Variants in ANKRD45 observed in about 807,000 individuals in gnomAD.
The protein encoded by ANKRD45 is ankyrin repeat domain-containing protein 45.
In ANKRD45, 21 loss-of-function variants were observed where a neutral mutation model predicts 28.1. The ratio of observed to expected loss-of-function variants is 0.75; its 90% CI spans 0.53 to 1.08. ANKRD45 has a LOEUF of 1.08. Ranked by LOEUF, ANKRD45 falls within the 50% of genes least tolerant of loss-of-function variation. The pLI, the probability that ANKRD45 is intolerant of heterozygous loss-of-function variation, is 0.00. For missense variants in ANKRD45, 261 were observed against 308.7 expected (o/e 0.85, Z 1.16); for synonymous variants, 86 against 103.9 (o/e 0.83, Z 1.05).
In ANKRD45 at chr1:173,608,938, G is replaced by GGGAAGGGAGA. The variant is rs1232710764; in HGVS notation, c.*1197_*1206dup. Among the ~76,000 whole-genome samples, 1 of 111,614 alleles carries GGGAAGGGAGA rather than the reference G, an allele frequency of 9.0e-6. No homozygotes were observed. The highest frequency in any genetic ancestry group is 3.4e-5 in the African/African-American group (1 of 29,654). The allele number at this position is 111,614 out of a possible 152,430, so 73.2% of individuals were successfully genotyped here. A position where few individuals can be genotyped will look rare whatever the true frequency, so the allele number is the denominator to read the frequency against. ...GGGAGGGGAAGGGAGGGGAAGGGAGGGGAAGGGAGAGGAAGGGAGAGGAAG... is the reference window on the plus strand; with the variant it reads ...GGGAGGGGAAGGGAGGGGAAGGGAGGGGAAGGGAGAGGAAGGGAGAGGAAGGGAGAGGAAG... On this transcript the variant is annotated 3_prime_UTR_variant, in exon 6 of 6. Coordinates refer to ENST00000333279, the MANE Select transcript of ANKRD45 (RefSeq NM_198493.3).
At chr1:173,637,101 G>T (rs901177848) in intron 3 of ANKRD45, 3 of 1,162,646 alleles carry the variant, frequency 2.6e-6, no homozygotes, top group South Asian at 1.5e-5. Flanking sequence ...TATCATCTAA[G>T]GATTAAAAAT....
intron 1 of ANKRD45, among the ~76,000 whole-genome samples, chr1:173,661,887 A>G (rs777703761): frequency 6.6e-6 from 1 of 152,224 alleles, no homozygotes; most frequent in Admixed American, 6.5e-5. Context: ...GGAAATAAAC[A>G]TGGTGAAACA....
intron 1 of ANKRD45, among the ~76,000 whole-genome samples, chr1:173,669,266 A>G (rs896696965): frequency 1.3e-5 from 2 of 152,196 alleles, no homozygotes; most frequent in African/African-American, 4.8e-5. Context: ...GGAGTCTTAA[A>G]AGGAGGAAAA....
At chr1:173,616,599 A>G (rs1314735820) in intron 5 of ANKRD45, among the ~76,000 whole-genome samples, 1 of 152,192 alleles carries the variant, frequency 6.6e-6, no homozygotes. Flanking sequence ...ATTTTAAAAA[A>G]ATGTTAGGGG....
chr1:173,669,206 G>A (rs111594505), intron 1 of ANKRD45, among the ~76,000 whole-genome samples: 5 of 152,108 alleles, frequency 3.3e-5, no homozygotes, highest in African/African-American at 1.2e-4. Context: ...TCTGGGTGGC[G>A]GTCTCAGAAA....
intron 2 of ANKRD45, among the ~76,000 whole-genome samples, chr1:173,655,912 G>T (rs911353322): frequency 9.9e-5 from 15 of 152,228 alleles, no homozygotes; most frequent in African/African-American, 1.7e-4. Context: ...CGCCAAGCCA[G>T]GCACGGGATA....
chr1:173,609,742 CA>C lies in ANKRD45; in HGVS notation c.*402del, dbSNP rs1252245897. On this transcript the variant is annotated 3_prime_UTR_variant, in exon 6 of 6. Coordinates refer to ENST00000333279, the MANE Select transcript of ANKRD45 (RefSeq NM_198493.3). ...AGCTGGTCTTAATATTTCCTTGCTC[CA>C]AGTGTCATTCCATAAGATTTCCTTT... 1.5e-4 allele frequency: 25 copies of C among 163,748 alleles called. No individual in the cohort carries two copies. The highest frequency in any genetic ancestry group is 1.5e-3 in the Admixed American group (25 of 16,432). 10.1% of individuals were successfully genotyped at this position (163,748 alleles called of 1,614,324 possible).
chr1:173,710,109 G>A, the ANKRD45 span, among the ~76,000 whole-genome samples: 1 of 152,288 alleles, frequency 6.6e-6, no homozygotes, highest in East Asian at 1.9e-4. Context: ...AGGATCACTT[G>A]AGCCCAAGAG....
intron 3 of ANKRD45, among the ~76,000 whole-genome samples, chr1:173,638,815 A>G (rs1454616140): frequency 6.6e-6 from 1 of 152,138 alleles, no homozygotes; most frequent in East Asian, 1.9e-4. Context: ...AATTCACTCA[A>G]CCCAGCGGGT....
intron 3 of ANKRD45, chr1:173,635,437 A>C (rs1179222149): frequency 3.0e-6 from 3 of 993,660 alleles, no homozygotes; most frequent in Admixed American, 2.9e-5. Context: ...TAGGGAATTT[A>C]GTTATTTTAT....
upstream of ANKRD45, among the ~76,000 whole-genome samples, chr1:173,672,956 TG>T (rs1310702754): frequency 6.6e-6 from 1 of 152,070 alleles, no homozygotes; most frequent in East Asian, 1.9e-4. Flanking sequence ...AAGCAGCAAA[TG>T]ATTAAGCACT....
chr1:173,689,787 C>T, the ANKRD45 span, among the ~76,000 whole-genome samples: 1 of 152,152 alleles, frequency 6.6e-6, no homozygotes, highest in East Asian at 1.9e-4. Flanking sequence ...GTTATTGTCC[C>T]ACTGGGGGTC....
Position 173,659,252 on chromosome 1 carries a change from T to C in ANKRD45, c.167A>G (p.Glu56Gly). The C allele has an allele frequency of 6.2e-7, 1 of 1,614,130 alleles. No individual in the cohort carries two copies. The highest frequency in any genetic ancestry group is 8.5e-7 in the Non-Finnish European group (1 of 1,180,032). The change falls in exon 2 of 6, where the codon GAG becomes GGG. Residue 56 changes from glutamate to glycine, a missense_variant. Coordinates refer to ENST00000333279, the MANE Select transcript of ANKRD45 (RefSeq NM_198493.3). Reference protein sequence around the residue: ...GDVEGLQKIFEDPENPHHEQA... With the variant: ...GDVEGLQKIFGDPENPHHEQA... ...TTCATGATGAGGATTCTCAGGATCC[T>C]CAAATATCTTCTGCAAACCCTCTAC...
intron 3 of ANKRD45, among the ~76,000 whole-genome samples, chr1:173,640,990 A>G (rs1341478832): frequency 6.6e-6 from 1 of 152,164 alleles, no homozygotes; most frequent in East Asian, 1.9e-4. Context: ...CTTCTATGGT[A>G]TGGGGATTGA....
the ANKRD45 span, among the ~76,000 whole-genome samples, chr1:173,692,475 G>A: frequency 6.6e-6 from 1 of 152,158 alleles, no homozygotes; most frequent in Non-Finnish European, 1.5e-5. Flanking sequence ...AGTGAGCAGA[G>A]GGGTGACTTT....
intron 3 of ANKRD45, among the ~76,000 whole-genome samples, chr1:173,636,190 C>A (rs1183660403): frequency 1.3e-5 from 2 of 152,106 alleles, no homozygotes. Flanking sequence ...GCCTCATCCA[C>A]AAAAGGATCT....
chr1:173,675,635 G>A, the ANKRD45 span, among the ~76,000 whole-genome samples: 2 of 151,730 alleles, frequency 1.3e-5, no homozygotes, highest in Non-Finnish European at 2.9e-5. Context: ...AGAAAAAATA[G>A]AATTAGAATT....
intron 5 of ANKRD45, among the ~76,000 whole-genome samples, chr1:173,617,742 T>C (rs765221517): frequency 6.6e-6 from 1 of 152,228 alleles, no homozygotes; most frequent in Non-Finnish European, 1.5e-5. Context: ...GAGCAAGGGC[T>C]ATCCCCAACA....
intron 3 of ANKRD45, chr1:173,637,209 A>G (rs1478695113): frequency 3.6e-6 from 2 of 553,638 alleles, no homozygotes; most frequent in East Asian, 3.1e-5. Context: ...CAATTAAAAA[A>G]GAACCCGGAC....
Sources: allele counts gnomAD v4.1 joint callset (sites outside exome capture counted in the v4.1 genomes callset), GRCh38; gene constraint gnomAD v4.1.1; transcripts MANE v1.5; gene names NCBI Gene and HGNC (gene_info 2026-07-23, HGNC 2026-07-21).